SLC8B1: variants seen among roughly 807,000 people sequenced by gnomAD.
SLC8B1 encodes the protein mitochondrial sodium/calcium exchanger protein.
Under a neutral mutation model 63.4 loss-of-function variants are expected in SLC8B1, and 52 were observed. That is an observed-to-expected ratio of 0.82 (90% CI 0.66 to 1.03). The LOEUF (loss-of-function observed/expected upper bound fraction) is 1.03, where lower values mean the gene tolerates loss of function less well. SLC8B1 is among the 50% of genes least tolerant of loss of function. The pLI, the probability that SLC8B1 is intolerant of heterozygous loss-of-function variation, is 0.00. For missense variants in SLC8B1, 657 were observed against 741.7 expected (o/e 0.89, Z 1.33); for synonymous variants, 336 against 323.9 (o/e 1.04, Z -0.40).
At chr12:113,308,853 T>G (rs909155060) in intron 12 of SLC8B1, 9 of 152,342 alleles carry the variant, frequency 5.9e-5, no homozygotes, top group Admixed American at 4.6e-4. Context: ...AATGAAAATT[T>G]TAAGTAAACT....
At position 113,332,661 on chromosome 12, in the gene SLC8B1, G is replaced by C. The variant is rs200502646; in HGVS notation, c.156+62C>G. 1.9e-6 allele frequency: 3 copies of C among 1,543,642 alleles called. No individual in the cohort carries two copies. The East Asian group carries it at 7.0e-5, about 36-fold the overall frequency. On this transcript the variant is annotated intron_variant, in intron 2 of 15. Coordinates refer to ENST00000680972, the MANE Select transcript of SLC8B1 (RefSeq NM_001358345.2). ...CCTGGCACATAGTAGATGCTCAATAGATATTTATCGATTGGAGGAACACAG... is the reference window on the plus strand; with the variant it reads ...CCTGGCACATAGTAGATGCTCAATACATATTTATCGATTGGAGGAACACAG...
intron 8 of SLC8B1, among the ~76,000 whole-genome samples, chr12:113,317,755 T>G (rs376384206): frequency 7.3e-6 from 1 of 137,434 alleles, no homozygotes; most frequent in Non-Finnish European, 1.6e-5. Flanking sequence ...TATTTGTTTA[T>G]GTGTGTGTGC....
chr12:113,318,362 G>A (rs1307649195), intron 8 of SLC8B1, among the ~76,000 whole-genome samples: 2 of 149,708 alleles, frequency 1.3e-5, no homozygotes, highest in East Asian at 1.9e-4. Context: ...GTACTCCTAT[G>A]TGTGTTGTGT....
intron 2 of SLC8B1, among the ~76,000 whole-genome samples, chr12:113,329,481 G>T (rs1009368158): frequency 1.3e-5 from 2 of 152,056 alleles, no homozygotes; most frequent in Non-Finnish European, 2.9e-5. Context: ...CAGCAAGGTG[G>T]GTCCCCCAAA....
chr12:113,309,793 T>C (rs943872927), intron 12 of SLC8B1, among the ~76,000 whole-genome samples: 1 of 151,834 alleles, frequency 6.6e-6, no homozygotes, highest in African/African-American at 2.4e-5. Context: ...ATTCTATTTA[T>C]ATAAAATGTC....
rs376746005 is a variant in SLC8B1 at position 113,320,955 on chromosome 12, G to A, written c.363-48C>T. The A allele has an allele frequency of 6.0e-4, 951 of 1,590,772 alleles. 1 individual carries two copies. Among genetic ancestry groups the A allele is most frequent in the Non-Finnish European group, 7.7e-4 (905 of 1,169,714 alleles). On this transcript the variant is annotated intron_variant, in intron 4 of 15. Transcript: ENST00000680972. The surrounding 1 kb of genome is among the most constrained non-coding windows in gnomAD (Gnocchi z 5.3). ...AAGCATTTCCGTAGTAACCGGCCCCGGACCCCTATCCTTCCCCCAAACTGA... is the reference window on the plus strand; with the variant it reads ...AAGCATTTCCGTAGTAACCGGCCCCAGACCCCTATCCTTCCCCCAAACTGA...
intron 11 of SLC8B1, among the ~76,000 whole-genome samples, chr12:113,313,574 C>T (rs1007151246): frequency 3.9e-5 from 6 of 152,112 alleles, no homozygotes; most frequent in Non-Finnish European, 8.8e-5. Context: ...AACCCCGCCT[C>T]TACTAAAAAT....
chr12:113,300,132 A>G (rs759067333), intron 15 of SLC8B1, among the ~76,000 whole-genome samples, 158 bp from the exon 16 acceptor site: 4 of 132,514 alleles, frequency 3.0e-5, no homozygotes, highest in Non-Finnish European at 6.7e-5. Flanking sequence ...AGCCTCAACA[A>G]CAATCCAGCC....
At chr12:113,312,673 G>A (rs1416745890) in intron 11 of SLC8B1, among the ~76,000 whole-genome samples, 1 of 152,128 alleles carries the variant, frequency 6.6e-6, no homozygotes, top group Non-Finnish European at 1.5e-5. Flanking sequence ...CTTTCCCCAG[G>A]GTGGACCTGC....
At chr12:113,325,620 A>G (rs1323847889) in intron 2 of SLC8B1, among the ~76,000 whole-genome samples, 1 of 147,350 alleles carries the variant, frequency 6.8e-6, no homozygotes, top group East Asian at 2.0e-4. Flanking sequence ...GCCAGACTGC[A>G]GTGGCGCTAT....
chr12:113,307,703 TCCC>T lies in SLC8B1; in HGVS notation c.1396_1398del (p.Gly466del). On this transcript the variant is annotated inframe_deletion, in exon 13 of 16. Coordinates refer to ENST00000680972, the MANE Select transcript of SLC8B1 (RefSeq NM_001358345.2). ...AGCCCTGAGTCACCTCCAATGCTGT[TCCC>T]CCAGGCCAGCAGCGTGAGCCCCAGC... The T allele has an allele frequency of 6.2e-7, 1 of 1,613,552 alleles. No individual in the cohort carries two copies. Among genetic ancestry groups the T allele is most frequent in the Non-Finnish European group, 8.5e-7 (1 of 1,179,882 alleles).
chr12:113,325,541 C>T (rs139958046), intron 2 of SLC8B1, among the ~76,000 whole-genome samples: 2,632 of 151,874 alleles, frequency 0.017, 30 homozygotes, highest in Middle Eastern at 0.034. Context: ...GGATTATAGG[C>T]GTGAACCACC....
At position 113,321,182 on chromosome 12, in the gene SLC8B1, G is replaced by C; in HGVS notation, c.309+14C>G. 6.2e-7 allele frequency: 1 copy of C among 1,614,044 alleles called. No individual in the cohort carries two copies. Among genetic ancestry groups the C allele is most frequent in the Non-Finnish European group, 8.5e-7 (1 of 1,179,918 alleles). ...ACCAGCCCCTCTCACCAGCCCCCCAGGGCAGGGCCTCACGTAGAGAGTGAC... is the reference window on the plus strand; with the variant it reads ...ACCAGCCCCTCTCACCAGCCCCCCACGGCAGGGCCTCACGTAGAGAGTGAC... On this transcript the variant is annotated intron_variant, in intron 3 of 15. Coordinates refer to ENST00000680972, the MANE Select transcript of SLC8B1 (RefSeq NM_001358345.2).
chr12:113,303,712 C>G (rs960110382), intron 15 of SLC8B1, among the ~76,000 whole-genome samples: 1 of 152,190 alleles, frequency 6.6e-6, no homozygotes, highest in African/African-American at 2.4e-5. Flanking sequence ...TGGCCACATG[C>G]TACCTACCCA....
intron 15 of SLC8B1, chr12:113,302,593 C>T (rs1003434008): frequency 6.6e-6 from 3 of 455,304 alleles, no homozygotes; most frequent in African/African-American, 6.0e-5. Flanking sequence ...TCTCTTCCTT[C>T]CACACTTAGC....
chr12:113,302,624 G>A (rs923265162), intron 15 of SLC8B1: 12 of 456,074 alleles, frequency 2.6e-5, no homozygotes, highest in Admixed American at 2.6e-4. Flanking sequence ...AACACGCAGT[G>A]AAGACATGAG....
At position 113,305,579 on chromosome 12, in the gene SLC8B1, T is replaced by C. The variant is rs1452545071; in HGVS notation, c.1492+916A>G. Among the ~76,000 whole-genome samples, 1 of 152,248 alleles carries C rather than the reference T, an allele frequency of 6.6e-6. No individual in the cohort carries two copies. Among genetic ancestry groups the C allele is most frequent in the Non-Finnish European group, 1.5e-5 (1 of 68,032 alleles). ...AGGCTGGCTATATCCGTCTTTTCTA[T>C]ATAGACCAAAAGTTGGCAAACATCA... On this transcript the variant is annotated intron_variant, in intron 14 of 15. Transcript: ENST00000680972. This position sits in a 1 kb window ranked among gnomAD's most constrained non-coding sequence, Gnocchi z 4.3.
At chr12:113,324,224 G>A (rs1276780347) in intron 2 of SLC8B1, among the ~76,000 whole-genome samples, 1 of 151,460 alleles carries the variant, frequency 6.6e-6, no homozygotes, top group Non-Finnish European at 1.5e-5. Context: ...GAGGTGAGAG[G>A]ATTGCTTGAG....
chr12:113,307,450 G>A (rs1022963916), intron 13 of SLC8B1, among the ~76,000 whole-genome samples: 108 of 152,236 alleles, frequency 7.1e-4, no homozygotes, highest in Admixed American at 4.6e-4. Flanking sequence ...GGGAGCCACC[G>A]ACCATCCCCG....
Sources: allele counts gnomAD v4.1 joint callset (sites outside exome capture counted in the v4.1 genomes callset), GRCh38; gene constraint gnomAD v4.1.1; non-coding constraint Gnocchi (gnomAD v3.1); transcripts MANE v1.5; gene names NCBI Gene and HGNC (gene_info 2026-07-23, HGNC 2026-07-21).